Variants in ZMAT1 observed in about 807,000 individuals in gnomAD.
The protein encoded by ZMAT1 is zinc finger matrin-type 1.
A neutral mutation model predicts 18.5 loss-of-function variants in ZMAT1; 11 were observed. The ratio of observed to expected loss-of-function variants is 0.59; its 90% CI spans 0.37 to 0.98. ZMAT1 has a LOEUF of 0.98. Among genes scored for constraint, ZMAT1 ranks in the 50% least tolerant of loss-of-function variants. The pLI is 0.01. For synonymous variants in ZMAT1, 211 were observed against 176.4 expected, an observed-to-expected ratio of 1.20 and a Z score of -1.55; for missense variants, 525 against 496.2, an observed-to-expected ratio of 1.06 and a Z score of -0.55.
chrX:101,925,565 G>A (rs1003764192), intron 1 of ZMAT1, among the ~76,000 whole-genome samples: 3 of 112,017 alleles, frequency 2.7e-5, no homozygotes, highest in African/African-American at 6.5e-5. Context: ...ACTATGGACC[G>A]TTTTTTATTT....
chrX:101,920,298 G>A (rs959837027), intron 1 of ZMAT1, among the ~76,000 whole-genome samples: 1 of 111,212 alleles, frequency 9.0e-6, no homozygotes, highest in Non-Finnish European at 1.9e-5. Flanking sequence ...CTCTGCCTCT[G>A]CCTCCCAATG....
chrX:101,885,141 G>A (rs1178563080), intron 5 of ZMAT1, among the ~76,000 whole-genome samples: 1 of 110,446 alleles, frequency 9.1e-6, no homozygotes, highest in African/African-American at 3.3e-5. Flanking sequence ...CCTTTGGCCC[G>A]GGATGAAAGG....
intron 1 of ZMAT1, among the ~76,000 whole-genome samples, chrX:101,919,780 C>T (rs924399985): frequency 9.0e-6 from 1 of 111,079 alleles, no homozygotes; most frequent in African/African-American, 3.3e-5. Flanking sequence ...GTATGAAGGA[C>T]AATAACGGAA....
At position 101,897,849 on chromosome X, in the gene ZMAT1, G is replaced by C. The variant is rs184829669; in HGVS notation, c.676+19C>G. 3 of 1,196,615 alleles carry C rather than the reference G, an allele frequency of 2.5e-6. No homozygotes were observed. In the African/African-American group the frequency reaches 5.3e-5, roughly 21 times the overall value. Reference sequence around the variant, plus strand: ...AGGTAGATCCTGCATTGAAGATCAAGAGGTGAATGGAACCTTACCCATCTC... The same window carrying C: ...AGGTAGATCCTGCATTGAAGATCAACAGGTGAATGGAACCTTACCCATCTC... On this transcript the variant is annotated intron_variant, in intron 4 of 5. Transcript: ENST00000651725.
Position 101,883,482 on chromosome X carries a change from TCAACC to T in ZMAT1, c.*23_*27del, listed in dbSNP as rs1412553100. 9.0e-7 allele frequency: 1 copy of T among 1,112,895 alleles called. No individual in the cohort carries two copies. Among genetic ancestry groups the T allele is most frequent in the Non-Finnish European group, 1.2e-6 (1 of 839,325 alleles). 91.7% of individuals were successfully genotyped at this position (1,112,895 alleles called of 1,213,427 possible). A position where few individuals can be genotyped will look rare whatever the true frequency, so the allele number is the denominator to read the frequency against. ...ATATTGACTGTTTTTTTTTTTCAAT[TCAACC>T]TTGGGTAAACAAAACTAAACATTCA... On this transcript the variant is annotated 3_prime_UTR_variant, in exon 6 of 6. Transcript: ENST00000651725.
At chrX:101,902,939 G>C (rs1238442504) in intron 2 of ZMAT1, among the ~76,000 whole-genome samples, 3 of 111,192 alleles carry the variant, frequency 2.7e-5, no homozygotes, top group Non-Finnish European at 3.8e-5. Context: ...TGTGTGTTCA[G>C]AAATCATATT....
At chrX:101,892,136 G>C (rs751659225) in intron 4 of ZMAT1, among the ~76,000 whole-genome samples, 2 of 111,190 alleles carry the variant, frequency 1.8e-5, no homozygotes, top group African/African-American at 3.3e-5. Flanking sequence ...TAAGGGGAAA[G>C]TGAAGGAAAA....
In ZMAT1 at chrX:101,897,885, C is replaced by T. The variant is rs752686074; in HGVS notation, c.659G>A (p.Gly220Glu). 3 of 1,208,839 alleles carry T rather than the reference C, an allele frequency of 2.5e-6. No homozygotes were observed. In the African/African-American group the frequency reaches 5.2e-5, roughly 21 times the overall value. The part of the protein sequence containing the change: ...MEEHDQASPS[G>E]FQPEMAFSMR... ...AACCTTACCCATCTCTGGTTGAAAT[C>T]CTGATGGAGATGCCTGATCATGTTC... Residue 220 changes from glycine (G) to glutamate (E), a missense_variant, in exon 4 of 6, where the codon GGA becomes GAA. Coordinates refer to ENST00000651725, the MANE Select transcript of ZMAT1 (RefSeq NM_001394560.1).
Position 101,898,022 on chromosome X carries a change from C to T in ZMAT1, c.522G>A (p.Val174=). 4 of 1,210,546 alleles carry T rather than the reference C, an allele frequency of 3.3e-6. No individual in the cohort carries two copies. Among genetic ancestry groups the T allele is most frequent in the Non-Finnish European group, 4.5e-6 (4 of 895,036 alleles). The change falls in exon 4 of 6, where the codon GTG becomes GTA. Residue 174 remains valine (V), a synonymous_variant. Transcript: ENST00000651725. ...AGAGATCACAAAATTTGTTTTTGTCCACTCCTTCATACCTATGCACCTGAA... is the reference window on the plus strand; with the variant it reads ...AGAGATCACAAAATTTGTTTTTGTCTACTCCTTCATACCTATGCACCTGAA... ...ENFQVHRYEG[V]DKNKFCDLCN... is the part of the protein sequence containing the mutation.
At position 101,892,994 on chromosome X, in the gene ZMAT1, AT is replaced by A. The variant is rs1268138251; in HGVS notation, c.676+4873del. 4.5e-5 allele frequency among the ~76,000 whole-genome samples: 5 copies of A among 111,532 alleles called. No individual in the cohort carries two copies. The South Asian group carries it at 1.9e-3, about 41-fold the overall frequency. ...ATTAGCTAGTTAAAATTCTCCAGGT[AT>A]TTTTTAATGTTCAAATGTTTACTGC... is the stretch of plus-strand genomic sequence containing the variant. On this transcript the variant is annotated intron_variant, in intron 4 of 5. Coordinates refer to ENST00000651725, the MANE Select transcript of ZMAT1 (RefSeq NM_001394560.1).
chrX:101,886,705 G>C lies in ZMAT1; in HGVS notation c.703C>G (p.His235Asp). Residue 235 changes from histidine (H) to aspartate (D), a missense_variant, in exon 5 of 6, where the codon CAT becomes GAT. By Grantham distance (81) the His-to-Asp change is moderately conservative. Transcript: ENST00000651725. The part of the protein sequence containing the change: ...MAFSMRTYVC[H>D]ICSIAFTSLD... ...GATGTAAAAGCAATACTACAAATAT[G>C]GCAAACATAGGTTCTCATACTAAAT... The C allele has an allele frequency of 8.3e-7, 1 of 1,198,954 alleles. No homozygotes were observed. The highest frequency in any genetic ancestry group is 1.7e-5 in the African/African-American group (1 of 57,369).
chrX:101,920,283 C>CCTGCCT (rs999575098), intron 1 of ZMAT1, among the ~76,000 whole-genome samples: 1 of 111,143 alleles, frequency 9.0e-6, no homozygotes, highest in East Asian at 2.8e-4. Context: ...AAATAATCTG[C>CCTGCCT]CTGCCTCTGC....
chrX:101,889,861 T>C (rs1220401948), intron 4 of ZMAT1: 1 of 112,072 alleles, frequency 8.9e-6, no homozygotes, highest in Non-Finnish European at 1.9e-5. Context: ...CCTTCACATC[T>C]GCACATGCAC....
chrX:101,899,337 G>A (rs991765826), intron 2 of ZMAT1, among the ~76,000 whole-genome samples: 1 of 110,863 alleles, frequency 9.0e-6, no homozygotes, highest in Non-Finnish European at 1.9e-5. Flanking sequence ...AGTTATTAGG[G>A]TACAGGTGGC....
intron 4 of ZMAT1, chrX:101,895,991 C>CT (rs35763068): frequency 1.1e-3 from 282 of 266,451 alleles, no homozygotes; most frequent in South Asian, 1.3e-3. Context: ...ACTCCCTGGA[C>CT]TTTTTTTTTC....
intron 1 of ZMAT1, chrX:101,931,357 C>T (rs1164420894): frequency 1.5e-6 from 1 of 655,108 alleles, no homozygotes. Flanking sequence ...CTTGCCTCCT[C>T]TCTCTTCCAA....
intron 1 of ZMAT1, among the ~76,000 whole-genome samples, chrX:101,913,480 G>C (rs1188849855): frequency 1.8e-5 from 2 of 111,568 alleles, no homozygotes; most frequent in African/African-American, 3.3e-5. Context: ...GACTGAAAAT[G>C]AAAGGATAGA....
chrX:101,912,039 C>G, intron 1 of ZMAT1: 1 of 1,153,714 alleles, frequency 8.7e-7, no homozygotes. Context: ...CACAGCTCCT[C>G]CCTTACCAAG....
At chrX:101,930,199 G>A (rs1431602485) in intron 1 of ZMAT1, among the ~76,000 whole-genome samples, 1 of 111,827 alleles carries the variant, frequency 8.9e-6, no homozygotes, top group Admixed American at 9.5e-5. Context: ...ACCTTACTGT[G>A]AACAGACGAT....
Sources: gnomAD v4.1 joint callset for allele counts (sites outside exome capture counted in the v4.1 genomes callset) on GRCh38, gnomAD v4.1.1 for gene constraint, MANE v1.5 for transcripts, NCBI Gene and HGNC (gene_info 2026-07-23, HGNC 2026-07-21) for gene names.